The following POU6F2 variants were observed in gnomAD, a reference collection of about 807,000 sequenced individuals.
POU6F2 encodes POU domain, class 6, transcription factor 2.
A neutral mutation model predicts 71.3 loss-of-function variants in POU6F2; 31 were observed. The observed-to-expected ratio is 0.43, with a 90% CI of 0.33 to 0.59. The LOEUF is 0.59. Among genes scored for constraint, POU6F2 ranks in the 20% least tolerant of loss-of-function variants. The pLI is 0.04. For missense variants in POU6F2, 783 were observed against 856.8 expected (o/e 0.91, Z 1.07); for synonymous variants, 347 against 355.7 (o/e 0.98, Z 0.27).
Position 39,374,702 on chromosome 7 carries a change from T to C in POU6F2, c.973-31898T>C, listed in dbSNP as rs2115767443. Among the ~76,000 whole-genome samples, 2 of 152,282 alleles carry C rather than the reference T, an allele frequency of 1.3e-5. 1 individual carries two copies. The highest frequency in any genetic ancestry group is 4.2e-4 in the South Asian group (2 of 4,816). On this transcript the variant is annotated intron_variant, in intron 5 of 9. Coordinates refer to ENST00000518318, the MANE Select transcript of POU6F2 (RefSeq NM_001370959.1). ...CACGGGGGAGTCTTCACCAGGACTC[T>C]TGGATTGAGTGGAGGAGTGGGGAGG...
intron 2 of POU6F2, among the ~76,000 whole-genome samples, chr7:39,094,227 T>A (rs1791410341): frequency 6.6e-6 from 1 of 152,106 alleles, no homozygotes; most frequent in South Asian, 2.1e-4. Context: ...CCTCAGGATT[T>A]GCGCAGTTTA....
At chr7:39,394,618 T>C (rs1031549638) in intron 5 of POU6F2, among the ~76,000 whole-genome samples, 1 of 152,208 alleles carries the variant, frequency 6.6e-6, no homozygotes, top group African/African-American at 2.4e-5. Flanking sequence ...TTAGGTGTGC[T>C]GTGGACATTC....
At chr7:39,149,885 C>CTTTTTT (rs70977463) in intron 2 of POU6F2, among the ~76,000 whole-genome samples, 1 of 142,338 alleles carries the variant, frequency 7.0e-6, no homozygotes, top group African/African-American at 2.6e-5. Flanking sequence ...GCAAGATTTC[C>CTTTTTT]TTTTTTTTTT....
chr7:39,214,373 T>G (rs1169799709), intron 4 of POU6F2, among the ~76,000 whole-genome samples: 1 of 152,182 alleles, frequency 6.6e-6, no homozygotes, highest in African/African-American at 2.4e-5. Flanking sequence ...CTTACTCGCT[T>G]TCTGCATTTT....
intron 5 of POU6F2, among the ~76,000 whole-genome samples, chr7:39,348,542 G>A (rs1391702525): frequency 6.6e-6 from 1 of 152,136 alleles, no homozygotes; most frequent in Non-Finnish European, 1.5e-5. Flanking sequence ...GAAAGTTCAA[G>A]CAAATTTCTC....
At chr7:39,236,663 T>C (rs1794681659) in intron 4 of POU6F2, among the ~76,000 whole-genome samples, 1 of 152,172 alleles carries the variant, frequency 6.6e-6, no homozygotes, top group African/African-American at 2.4e-5. Context: ...TCAGGGAACA[T>C]GATAAGCGTA....
chr7:39,340,003 C>G lies in POU6F2; in HGVS notation c.960C>G (p.Pro320=), dbSNP rs767741747. The change falls in exon 5 of 10, where the codon CCC becomes CCG. Residue 320 remains proline (P), a synonymous_variant. Coordinates refer to ENST00000518318, the MANE Select transcript of POU6F2 (RefSeq NM_001370959.1). ...GCCTGCCTTCACCGCTCACGCCACC[C>G]AATCCTCTACAGGTATGCTCCCCGT... ...GHGLPSPLTP[P]NPLQLVNNPL... 2 of 1,609,662 alleles carry G rather than the reference C, an allele frequency of 1.2e-6. No individual in the cohort carries two copies. The highest frequency in any genetic ancestry group is 1.1e-5 in the South Asian group (1 of 90,668).
chr7:39,207,616 A>G lies in POU6F2; in HGVS notation c.594A>G (p.Leu198=), dbSNP rs1397010433. 5 of 1,613,448 alleles carry G rather than the reference A, an allele frequency of 3.1e-6. No homozygotes were observed. The highest frequency in any genetic ancestry group is 1.1e-5 in the South Asian group (1 of 91,046). Residue 198 remains leucine (L), a synonymous_variant, in exon 4 of 10, where the codon CTA becomes CTG. Coordinates refer to ENST00000518318, the MANE Select transcript of POU6F2 (RefSeq NM_001370959.1). ...TTATGACTCTGCCACTGCAAAATCT[A>G]CAAGGTAATCCATAATGTCCATGCG... is the stretch of plus-strand genomic sequence containing the variant. The part of the protein sequence containing the change: ...GGIMTLPLQN[L]QATSSLNSQL...
intron 1 of POU6F2, among the ~76,000 whole-genome samples, chr7:38,996,859 C>G (rs1461249962): frequency 6.6e-6 from 1 of 152,138 alleles, no homozygotes; most frequent in Non-Finnish European, 1.5e-5. Context: ...CCTCAGTCAC[C>G]TTGACTCCCC....
chr7:39,213,834 C>T (rs1446736407), intron 4 of POU6F2, among the ~76,000 whole-genome samples: 1 of 152,208 alleles, frequency 6.6e-6, no homozygotes, highest in Non-Finnish European at 1.5e-5. Flanking sequence ...GATTGGGTGT[C>T]TCTAGGGAAG....
At chr7:39,036,441 G>A (rs1209684692) in intron 1 of POU6F2, among the ~76,000 whole-genome samples, 1 of 152,094 alleles carries the variant, frequency 6.6e-6, no homozygotes, top group Non-Finnish European at 1.5e-5. Context: ...ATAATTAATT[G>A]TCATGAATGA....
intron 1 of POU6F2, among the ~76,000 whole-genome samples, chr7:39,082,923 A>G (rs1382171032): frequency 6.6e-6 from 1 of 151,932 alleles, no homozygotes; most frequent in Non-Finnish European, 1.5e-5. Context: ...TGAATGACAA[A>G]CTCTTGGATT....
chr7:39,448,145 GA>G (rs1788568261), intron 7 of POU6F2, among the ~76,000 whole-genome samples: 1 of 152,202 alleles, frequency 6.6e-6, no homozygotes, highest in Non-Finnish European at 1.5e-5. Context: ...CAGTTTTAGA[GA>G]TGGAATTTCA....
intron 4 of POU6F2, among the ~76,000 whole-genome samples, chr7:39,295,713 G>T (rs1159288320): frequency 6.6e-6 from 1 of 152,182 alleles, no homozygotes; most frequent in East Asian, 1.9e-4. Flanking sequence ...TATCAAGAAG[G>T]CAATGCTACT....
At chr7:39,092,677 T>G (rs1400432744) in intron 2 of POU6F2, among the ~76,000 whole-genome samples, 1 of 152,160 alleles carries the variant, frequency 6.6e-6, no homozygotes, top group Non-Finnish European at 1.5e-5. Flanking sequence ...TGATTCTTAA[T>G]CTTTTCAATG....
At chr7:39,371,522 C>T (rs965001468) in intron 5 of POU6F2, among the ~76,000 whole-genome samples, 9 of 152,148 alleles carry the variant, frequency 5.9e-5, no homozygotes, top group East Asian at 1.9e-4. Flanking sequence ...GGAGCACTAA[C>T]GGCCAGTCCT....
chr7:39,411,009 A>C (rs1457556353), intron 6 of POU6F2, among the ~76,000 whole-genome samples: 1 of 152,204 alleles, frequency 6.6e-6, no homozygotes, highest in Admixed American at 6.5e-5. Context: ...CAGGCACATA[A>C]TCATCACTCA....
Position 39,444,843 on chromosome 7 carries a change from G to A in POU6F2, c.1321-6690G>A, listed in dbSNP as rs150612662. The stretch of plus-strand genomic sequence containing the variant: ...CATAAGCCACACAGACATTATTTTT[G>A]TGTAGATTTATTCTCCTTTTGACTA... On this transcript the variant is annotated intron_variant, in intron 7 of 9. Transcript: ENST00000518318. Among the ~76,000 whole-genome samples the A allele has an allele frequency of 4.2e-3, 645 of 152,130 alleles. 8 individuals carry two copies. The highest frequency in any genetic ancestry group is 0.015 in the African/African-American group (608 of 41,480).
At chr7:39,358,627 C>G (rs1424935525) in intron 5 of POU6F2, among the ~76,000 whole-genome samples, 1 of 152,078 alleles carries the variant, frequency 6.6e-6, no homozygotes, top group Admixed American at 6.5e-5. Flanking sequence ...ATTTAAGGCT[C>G]AAGGGCAATA....
Sources: gnomAD v4.1 joint callset for allele counts (sites outside exome capture counted in the v4.1 genomes callset) on GRCh38, gnomAD v4.1.1 for gene constraint, MANE v1.5 for transcripts, NCBI Gene and HGNC (gene_info 2026-07-23, HGNC 2026-07-21) for gene names.